The following HERC2 variants were observed in gnomAD, a reference collection of about 807,000 sequenced individuals.
HERC2 encodes E3 ubiquitin-protein ligase HERC2.
HERC2 carries 102 observed loss-of-function variants against 537.7 expected under a neutral mutation model. The observed-to-expected ratio is 0.19, with a 90% confidence interval of 0.16 to 0.22. The LOEUF is 0.22. Among genes scored for constraint, HERC2 ranks in the 10% least tolerant of loss-of-function variants. The pLI, the probability that HERC2 is intolerant of heterozygous loss-of-function variation, is 1.00. For missense variants in HERC2, 4,236 were observed against 6,198.2 expected, an observed-to-expected ratio of 0.68 and a Z score of 10.63; for synonymous variants, 2,224 against 2,466.2, an observed-to-expected ratio of 0.90 and a Z score of 2.91.
At chr15:28,293,847 C>T (rs543075766) in intron 3 of HERC2, among the ~76,000 whole-genome samples, 1 of 152,342 alleles carries the variant, frequency 6.6e-6, no homozygotes, top group African/African-American at 2.4e-5. Flanking sequence ...CTTTAGGCCA[C>T]TGACAATGTC....
intron 8 of HERC2, 139 bp downstream of exon 8, chr15:28,272,755 G>C: frequency 1.7e-6 from 1 of 604,706 alleles, no homozygotes; most frequent in Non-Finnish European, 2.9e-6. Flanking sequence ...TAAAGAGAGA[G>C]AGCCCTGGGA....
chr15:28,283,796 G>A (rs2076084670), intron 4 of HERC2, among the ~76,000 whole-genome samples: 1 of 152,178 alleles, frequency 6.6e-6, no homozygotes, highest in South Asian at 2.1e-4. Flanking sequence ...CGTCAAGGGA[G>A]GTAGTTTCTA....
At chr15:28,308,669 T>C (rs1377590182) in intron 2 of HERC2, among the ~76,000 whole-genome samples, 1 of 152,254 alleles carries the variant, frequency 6.6e-6, no homozygotes, top group African/African-American at 2.4e-5. Context: ...CCATTCAGTA[T>C]GATACTAGCT....
chr15:28,169,698 G>A, intron 65 of HERC2, 43 bp from the exon 66 acceptor site: 1 of 1,566,420 alleles, frequency 6.4e-7, no homozygotes, highest in Non-Finnish European at 8.7e-7. Context: ...TAAAATCACA[G>A]TTTGATCTAT....
intron 71 of HERC2, 43 bp from the exon 72 acceptor site, chr15:28,144,847 A>T (rs779473812): frequency 1.2e-6 from 2 of 1,612,700 alleles, no homozygotes; most frequent in Non-Finnish European, 1.7e-6. Flanking sequence ...TCACTCCATC[A>T]TCCAATCAAC....
chr15:28,204,151 A>G (rs1471704415), intron 45 of HERC2, among the ~76,000 whole-genome samples: 1 of 152,108 alleles, frequency 6.6e-6, no homozygotes, highest in Non-Finnish European at 1.5e-5. Context: ...TGTAACGTCC[A>G]AAGAATCCAG....
intron 20 of HERC2, among the ~76,000 whole-genome samples, chr15:28,253,217 C>T (rs1161781214): frequency 6.6e-6 from 1 of 152,188 alleles, no homozygotes; most frequent in African/African-American, 2.4e-5. Flanking sequence ...AGCCTCTGTT[C>T]ACAGGCTGAC....
intron 2 of HERC2, among the ~76,000 whole-genome samples, chr15:28,312,470 A>C (rs1009424061): frequency 3.3e-5 from 5 of 152,294 alleles, no homozygotes; most frequent in African/African-American, 1.2e-4. Flanking sequence ...GTGTCTCTAC[A>C]GAAATGTAAA....
intron 21 of HERC2, among the ~76,000 whole-genome samples, chr15:28,247,359 A>G (rs1903806409): frequency 6.6e-6 from 1 of 151,094 alleles, no homozygotes; most frequent in Non-Finnish European, 1.5e-5. Context: ...AATTATTCCC[A>G]AAAAACAAAG....
intron 34 of HERC2, 109 bp downstream of exon 34, chr15:28,229,086 C>T (rs1466345112): frequency 6.7e-6 from 7 of 1,044,758 alleles, no homozygotes; most frequent in East Asian, 4.7e-5. Flanking sequence ...GTACAAAGTA[C>T]AAACTTTAAT....
intron 56 of HERC2, 131 bp from the exon 57 acceptor site, chr15:28,182,643 G>C: frequency 1.4e-6 from 1 of 732,694 alleles, no homozygotes; most frequent in South Asian, 2.0e-5. Flanking sequence ...TTAAAATTTT[G>C]CTTTAATAGA....
intron 68 of HERC2, among the ~76,000 whole-genome samples, chr15:28,166,716 A>G (rs1596105106): frequency 6.6e-6 from 1 of 151,680 alleles, no homozygotes; most frequent in Non-Finnish European, 1.5e-5. Context: ...AGTCCACGGG[A>G]GTCCCAATGA....
In HERC2 at chr15:28,135,623, T is replaced by A. The variant is rs560156561; in HGVS notation, c.12085A>T (p.Thr4029Ser). 1 of 1,614,204 alleles carries A rather than the reference T, an allele frequency of 6.2e-7. No individual in the cohort carries two copies. Among genetic ancestry groups the A allele is most frequent in the East Asian group, 2.2e-5 (1 of 44,886 alleles). ...ACATGCTGAATGGATTCAAGCAATG[T>A]TGGGGTGGACACCGACTCTGTCCCT... is the stretch of plus-strand genomic sequence containing the variant. ...IGGTESVSTP[T>S]LLESIQHVFI... Residue 4029 changes from threonine to serine, a missense_variant, in exon 79 of 93, where the codon ACA becomes TCA. Transcript: ENST00000261609.
In HERC2 at chr15:28,256,290, C is replaced by T. The variant is rs1256267646; in HGVS notation, c.2545G>A (p.Asp849Asn). Residue 849 changes from aspartate to asparagine, a missense_variant, in exon 18 of 93, where the codon GAC becomes AAC. Around this residue, in one of 27 missense-constraint regions of HERC2, gnomAD observed 754 missense variants for 1,085.0 expected, o/e 0.69. Transcript: ENST00000261609. Reference sequence around the variant, plus strand: ...AGACCTAAACCAAGGAATTCCGGGTCAACCTGGTGACTAATGGCAGCATGC... The same window carrying T: ...AGACCTAAACCAAGGAATTCCGGGTTAACCTGGTGACTAATGGCAGCATGC... ...QLHAAISHQV[D>N]PEFLGLGLGS... The T allele has an allele frequency of 6.3e-7, 1 of 1,596,126 alleles. No homozygotes were observed. The highest frequency in any genetic ancestry group is 8.5e-7 in the Non-Finnish European group (1 of 1,179,242).
chr15:28,237,345 G>A lies in HERC2; in HGVS notation c.3853-232C>T, dbSNP rs1412854429. On this transcript the variant is annotated intron_variant, in intron 25 of 92. Transcript: ENST00000261609. ...GCAGCAACTGCACAGCCCTACTGTAGAAAAACTAAACCACAGATACATGAT... is the reference window on the plus strand; with the variant it reads ...GCAGCAACTGCACAGCCCTACTGTAAAAAAACTAAACCACAGATACATGAT... 2.0e-5 allele frequency among the ~76,000 whole-genome samples: 3 copies of A among 152,206 alleles called. No individual in the cohort carries two copies. The East Asian group carries it at 5.8e-4, about 29-fold the overall frequency.
intron 50 of HERC2, among the ~76,000 whole-genome samples, chr15:28,197,765 G>A (rs539755315): frequency 6.6e-6 from 1 of 152,270 alleles, no homozygotes; most frequent in South Asian, 2.1e-4. Flanking sequence ...CTGACAGTCA[G>A]GAGCTGGCCT....
chr15:28,198,082 C>T (rs1420786203), intron 50 of HERC2, among the ~76,000 whole-genome samples: 1 of 152,144 alleles, frequency 6.6e-6, no homozygotes, highest in Non-Finnish European at 1.5e-5. Context: ...GACCCCTCCC[C>T]CAAATACCCA....
intron 2 of HERC2, among the ~76,000 whole-genome samples, chr15:28,318,043 G>T (rs2077135570): frequency 6.6e-6 from 1 of 152,148 alleles, no homozygotes; most frequent in Admixed American, 6.5e-5. Context: ...ACTCCATTCT[G>T]GACTTATGCT....
rs558018150 is a variant in HERC2 at position 28,265,645 on chromosome 15, C to G, written c.1843G>C (p.Ala615Pro). Residue 615 changes from alanine (A) to proline (P), a missense_variant, in exon 14 of 93, where the codon GCT (alanine) becomes CCT (proline). Transcript: ENST00000261609. The surrounding 1 kb of genome is among the most constrained non-coding windows in gnomAD (Gnocchi z 4.0). ...TTCTCAGTGACAGCCAGGGTTTGAG[C>G]ATCCCCACTCCCACACGCCACATCG... Reference protein sequence around the residue: ...VIDVACGSGDAQTLAVTENGQ... With the variant: ...VIDVACGSGDPQTLAVTENGQ... 2 of 1,614,114 alleles carry G rather than the reference C, an allele frequency of 1.2e-6. No homozygotes were observed. Among genetic ancestry groups the G allele is most frequent in the South Asian group, 2.2e-5 (2 of 91,072 alleles).
Sources: allele counts gnomAD v4.1 joint callset (sites outside exome capture counted in the v4.1 genomes callset), GRCh38; gene constraint gnomAD v4.1.1; regional missense constraint gnomAD v4.1.1; non-coding constraint Gnocchi (gnomAD v3.1); transcripts MANE v1.5; gene names NCBI Gene and HGNC (gene_info 2026-07-23, HGNC 2026-07-21).